ROBO1: variants seen among roughly 807,000 people sequenced by gnomAD.
ROBO1 encodes roundabout guidance receptor 1.
In ROBO1, 149 loss-of-function variants were observed where a neutral mutation model predicts 195.9. The ratio of observed to expected loss-of-function variants is 0.76; its 90% confidence interval spans 0.67 to 0.87. ROBO1 has a LOEUF of 0.87. Ranked by LOEUF, ROBO1 falls within the 40% of genes least tolerant of loss-of-function variation. The pLI is 0.00. For synonymous variants in ROBO1, 816 were observed against 733.2 expected (o/e 1.11, Z -1.82); for missense variants, 1,933 against 2,068.3 (o/e 0.93, Z 1.27).
At chr3:79,653,966 A>C (rs1427299624) in intron 1 of ROBO1, among the ~76,000 whole-genome samples, 3 of 152,034 alleles carry the variant, frequency 2.0e-5, no homozygotes, top group Non-Finnish European at 2.9e-5. Flanking sequence ...TTTGTAAAAA[A>C]TACAAAGCCT....
intron 1 of ROBO1, among the ~76,000 whole-genome samples, chr3:79,740,441 C>T (rs967969327): frequency 6.6e-6 from 1 of 151,888 alleles, no homozygotes; most frequent in Non-Finnish European, 1.5e-5. Context: ...TGAAGAAATA[C>T]ATGAGACTAG....
intron 5 of ROBO1, among the ~76,000 whole-genome samples, chr3:78,737,532 G>C (rs2082420275): frequency 6.6e-6 from 1 of 152,088 alleles, no homozygotes; most frequent in Non-Finnish European, 1.5e-5. Context: ...GGTATGATTA[G>C]ACAATTCATT....
intron 3 of ROBO1, among the ~76,000 whole-genome samples, chr3:78,975,409 G>A (rs1425948093): frequency 1.3e-5 from 2 of 152,150 alleles, no homozygotes; most frequent in East Asian, 3.9e-4. Context: ...AAGCCAGTAT[G>A]CCTTCCTGAG....
At chr3:78,783,432 T>G (rs1361759785) in intron 4 of ROBO1, among the ~76,000 whole-genome samples, 1 of 152,204 alleles carries the variant, frequency 6.6e-6, no homozygotes, top group East Asian at 1.9e-4. Context: ...ATCAATTTAA[T>G]TTTCTTTCTA....
At chr3:78,704,208 C>T (rs9880072) in intron 8 of ROBO1, among the ~76,000 whole-genome samples, 38,581 of 152,002 alleles carry the variant, frequency 0.25, 5,063 homozygotes, top group African/African-American at 0.32. Context: ...CAGATTTTCT[C>T]AAATCAGCAA....
intron 1 of ROBO1, among the ~76,000 whole-genome samples, chr3:79,750,703 T>C (rs1339381265): frequency 6.6e-6 from 1 of 152,224 alleles, no homozygotes. Flanking sequence ...TGTGACTTGC[T>C]CTTCCTTGCC....
At chr3:78,974,024 A>G (rs765881312) in intron 3 of ROBO1, among the ~76,000 whole-genome samples, 34 of 152,170 alleles carry the variant, frequency 2.2e-4, no homozygotes, top group Non-Finnish European at 4.0e-4. Flanking sequence ...TTAAGTATTC[A>G]CCAAATCAAA....
In ROBO1 at chr3:78,762,645, T is replaced by C. The variant is rs555239173; in HGVS notation, c.500-15745A>G. 9.7e-4 allele frequency among the ~76,000 whole-genome samples: 148 copies of C among 152,148 alleles called. 1 individual carries two copies. The highest frequency in any genetic ancestry group is 3.3e-3 in the African/African-American group (139 of 41,544). On this transcript the variant is annotated intron_variant, in intron 4 of 30. Transcript: ENST00000464233. ...CTATAGAGAAACTTTACTTGATTCA[T>C]GCATAGCAATTTCCTCTTTAACTTC... is the stretch of plus-strand genomic sequence containing the variant.
chr3:79,280,984 C>T (rs2031466406), intron 2 of ROBO1, among the ~76,000 whole-genome samples: 1 of 152,006 alleles, frequency 6.6e-6, no homozygotes, highest in Non-Finnish European at 1.5e-5. Flanking sequence ...GGGTTGGAGA[C>T]CCCTGTGTTA....
intron 2 of ROBO1, among the ~76,000 whole-genome samples, chr3:79,265,443 A>T (rs1426753788): frequency 6.6e-6 from 1 of 151,658 alleles, no homozygotes; most frequent in Admixed American, 6.6e-5. Flanking sequence ...ACAATTATAC[A>T]ATATGAATAA....
At chr3:79,734,243 G>A (rs888171362) in intron 1 of ROBO1, among the ~76,000 whole-genome samples, 1 of 151,964 alleles carries the variant, frequency 6.6e-6, no homozygotes, top group Admixed American at 6.6e-5. Context: ...CACCATGCCC[G>A]GCACCCATTT....
chr3:79,155,702 G>T (rs1041030023), intron 2 of ROBO1, among the ~76,000 whole-genome samples: 3 of 151,616 alleles, frequency 2.0e-5, no homozygotes, highest in African/African-American at 7.3e-5. Context: ...CCTGTTTTTT[G>T]AGTGAAGAGA....
In ROBO1 at chr3:79,747,140, C is replaced by T. The variant is rs182473072; in HGVS notation, c.-51+20612G>A. Among the ~76,000 whole-genome samples the T allele has an allele frequency of 1.6e-3, 237 of 152,090 alleles. 2 individuals are homozygous for T. The highest frequency in any genetic ancestry group is 4.7e-3 in the African/African-American group (194 of 41,542). ...CTTTTTTAAATGTAACTATATTTTG[C>T]TTGCAGATGTGTTTCTAGGTTTCAA... On this transcript the variant is annotated intron_variant, in intron 1 of 30. Transcript: ENST00000464233.
chr3:79,166,918 G>T (rs1319019586), intron 2 of ROBO1, among the ~76,000 whole-genome samples: 1 of 152,050 alleles, frequency 6.6e-6, no homozygotes, highest in East Asian at 1.9e-4. Context: ...ATGGATAGAG[G>T]AATAATATTC....
At chr3:79,060,047 C>T (rs7646680) in intron 3 of ROBO1, among the ~76,000 whole-genome samples, 145,217 of 151,968 alleles carry the variant, frequency 0.96, 69,753 homozygotes, top group East Asian at 1. Context: ...GAATGCATTC[C>T]CAGGGTGAGG....
At chr3:79,735,424 G>T (rs138522560) in intron 1 of ROBO1, among the ~76,000 whole-genome samples, 6 of 152,130 alleles carry the variant, frequency 3.9e-5, no homozygotes, top group African/African-American at 7.2e-5. Context: ...TAGCATGCAC[G>T]TTCAAATCTG....
At chr3:79,385,787 AC>A (rs1218937631) in intron 2 of ROBO1, among the ~76,000 whole-genome samples, 1 of 152,310 alleles carries the variant, frequency 6.6e-6, no homozygotes, top group African/African-American at 2.4e-5. Context: ...TAATAAAAAA[AC>A]ATACCTGGGA....
chr3:79,484,638 A>T (rs1939052506), intron 2 of ROBO1, among the ~76,000 whole-genome samples: 1 of 151,962 alleles, frequency 6.6e-6, no homozygotes, highest in Non-Finnish European at 1.5e-5. Context: ...GAAAAGCCAT[A>T]ATATGCACGT....
intron 2 of ROBO1, among the ~76,000 whole-genome samples, chr3:79,262,486 C>A (rs1266029646): frequency 1.3e-5 from 2 of 151,974 alleles, no homozygotes; most frequent in Admixed American, 1.3e-4. Flanking sequence ...TGTTTTAAGA[C>A]TTTTGATACT....
Sources: gnomAD v4.1 joint callset for allele counts (sites outside exome capture counted in the v4.1 genomes callset) on GRCh38, gnomAD v4.1.1 for gene constraint, MANE v1.5 for transcripts, NCBI Gene and HGNC (gene_info 2026-07-23, HGNC 2026-07-21) for gene names.